Variants in P3H2 observed in about 807,000 individuals in gnomAD.
P3H2 encodes the protein leprecan-like 1.
In P3H2, 80 loss-of-function variants were observed where a neutral mutation model predicts 87.0. The observed-to-expected ratio is 0.92, with a 90% CI of 0.77 to 1.11. The LOEUF (loss-of-function observed/expected upper bound fraction) is 1.11. Ranked by LOEUF, P3H2 falls within the 50% of genes least tolerant of loss-of-function variation. P3H2 has a pLI of 0.00. For synonymous variants in P3H2, 367 were observed against 359.3 expected, an observed-to-expected ratio of 1.02 and a Z score of -0.24; for missense variants, 1,001 against 923.9, an observed-to-expected ratio of 1.08 and a Z score of -1.08.
chr3:190,007,431 C>A (rs1724422130), intron 1 of P3H2, among the ~76,000 whole-genome samples: 1 of 152,014 alleles, frequency 6.6e-6, no homozygotes, highest in Non-Finnish European at 1.5e-5. Flanking sequence ...TCACTTTGAG[C>A]TAGTTTGTGT....
chr3:190,120,770 A>G lies in P3H2; in HGVS notation c.-39T>C, dbSNP rs1302943115. ...GAGGCGCGGGACGGTTACGCTCGAGAGGGCTTCGGGGCACCTCGCGTCCGG... is the reference window on the plus strand; with the variant it reads ...GAGGCGCGGGACGGTTACGCTCGAGGGGGCTTCGGGGCACCTCGCGTCCGG... On this transcript the variant is annotated 5_prime_UTR_variant, in exon 1 of 15. Transcript: ENST00000319332. 8 of 1,511,550 alleles carry G rather than the reference A, an allele frequency of 5.3e-6. No individual in the cohort carries two copies. The South Asian group carries it at 9.8e-5, about 19-fold the overall frequency. The allele number at this position is 1,511,550 out of a possible 1,614,324, so 93.6% of individuals were successfully genotyped here.
chr3:190,120,970 C>G (rs1577335249), upstream of P3H2: 3 of 544,752 alleles, frequency 5.5e-6, no homozygotes, highest in Admixed American at 8.5e-5. Context: ...GCCTGAGACT[C>G]CGAGAGCCGC....
At chr3:190,037,487 C>T (rs1268220457) in intron 1 of P3H2, among the ~76,000 whole-genome samples, 6 of 152,046 alleles carry the variant, frequency 3.9e-5, no homozygotes, top group Non-Finnish European at 7.4e-5. Flanking sequence ...AAATAAGATA[C>T]CGTGGCTCAG....
chr3:190,119,852 A>AG (rs63249460), intron 1 of P3H2, among the ~76,000 whole-genome samples: 4 of 37,180 alleles, frequency 1.1e-4, no homozygotes, highest in African/African-American at 5.7e-4. Context: ...GAGAGGAGAC[A>AG]AAAGAAATGG....
intron 1 of P3H2, among the ~76,000 whole-genome samples, chr3:190,112,287 C>G (rs1342248265): frequency 6.6e-6 from 1 of 152,180 alleles, no homozygotes; most frequent in Non-Finnish European, 1.5e-5. Flanking sequence ...CCATAAAATG[C>G]AATGGTTGCA....
chr3:189,999,279 C>A (rs1342123688), intron 1 of P3H2, among the ~76,000 whole-genome samples: 5 of 152,108 alleles, frequency 3.3e-5, no homozygotes, highest in Non-Finnish European at 7.4e-5. Flanking sequence ...GAAGATACTA[C>A]AATCTATAAA....
chr3:190,034,988 A>G (rs191142027), intron 1 of P3H2, among the ~76,000 whole-genome samples: 1 of 151,384 alleles, frequency 6.6e-6, no homozygotes, highest in Admixed American at 6.6e-5. Flanking sequence ...CGCTGGGATT[A>G]CAGGCATGTA....
At chr3:189,963,884 AT>A in intron 14 of P3H2, 73 bp downstream of exon 14, 1 of 1,513,604 alleles carries the variant, frequency 6.6e-7, no homozygotes, top group Non-Finnish European at 9.2e-7. Context: ...AGACGAAGCA[AT>A]TTAAAGGACT....
At chr3:190,037,682 T>C (rs945475548) in intron 1 of P3H2, among the ~76,000 whole-genome samples, 2 of 152,244 alleles carry the variant, frequency 1.3e-5, no homozygotes, top group South Asian at 2.1e-4. Context: ...TGAATGTTAA[T>C]GATTATATGG....
At chr3:189,972,469 G>A (rs534271872) in intron 11 of P3H2, among the ~76,000 whole-genome samples, 9 of 152,188 alleles carry the variant, frequency 5.9e-5, no homozygotes, top group Non-Finnish European at 1.2e-4. Context: ...AGCAGGGACC[G>A]AGAAGGTCCC....
chr3:189,969,986 C>T (rs1408469358), intron 13 of P3H2: 1 of 603,670 alleles, frequency 1.7e-6, no homozygotes, highest in South Asian at 2.0e-5. Flanking sequence ...GGCTTGAAGA[C>T]CAAAGGATGC....
rs972018759 is a variant in P3H2 at position 189,994,125 on chromosome 3, C to T, written c.792G>A (p.Gly264=). Residue 264 remains glycine (G), a synonymous_variant, in exon 3 of 15, where the codon GGG becomes GGA. Transcript: ENST00000319332. ...TAGCTTCATACAGACCAGCCTTATACCCTAAATACTCATATTCTTCAAATC... is the reference window on the plus strand; with the variant it reads ...TAGCTTCATACAGACCAGCCTTATATCCTAAATACTCATATTCTTCAAATC... The part of the protein sequence containing the change: ...PQRFEEYEYL[G]YKAGLYEAIA... The T allele has an allele frequency of 1.9e-6, 3 of 1,613,290 alleles. No homozygotes were observed. Among genetic ancestry groups the T allele is most frequent in the Middle Eastern group, 1.6e-4 (1 of 6,076 alleles).
At chr3:189,959,463 T>A (rs1010635157) in intron 14 of P3H2, among the ~76,000 whole-genome samples, 5 of 137,728 alleles carry the variant, frequency 3.6e-5, no homozygotes, top group African/African-American at 1.1e-4. Context: ...TGTCCATGTG[T>A]TCTCATTGTT....
chr3:190,005,649 C>T (rs139856719), intron 1 of P3H2, among the ~76,000 whole-genome samples: 5 of 152,320 alleles, frequency 3.3e-5, no homozygotes, highest in East Asian at 1.9e-4. Flanking sequence ...AAATACGCCA[C>T]GTTCTTCTGT....
At chr3:190,045,816 C>T (rs1725780863) in intron 1 of P3H2, among the ~76,000 whole-genome samples, 1 of 151,924 alleles carries the variant, frequency 6.6e-6, no homozygotes, top group African/African-American at 2.4e-5. Flanking sequence ...GAAGCCTCAG[C>T]TCATGGTTAA....
intron 1 of P3H2, among the ~76,000 whole-genome samples, chr3:190,091,539 T>C (rs1727409246): frequency 6.6e-6 from 1 of 152,230 alleles, no homozygotes; most frequent in Non-Finnish European, 1.5e-5. Flanking sequence ...TGTCTGTAAA[T>C]GGCTATTTGC....
Position 190,110,103 on chromosome 3 carries a change from C to T in P3H2, c.480+10149G>A, listed in dbSNP as rs944230347. ...ACCTCAGGTGATCCACGCTCCTCAG[C>T]CTCCCAAAGTGCTGGGATTATAGAC... On this transcript the variant is annotated intron_variant, in intron 1 of 14. Coordinates refer to ENST00000319332, the MANE Select transcript of P3H2 (RefSeq NM_018192.4). Among the ~76,000 whole-genome samples, 4 of 152,102 alleles carry T rather than the reference C, an allele frequency of 2.6e-5. No individual in the cohort carries two copies. In the East Asian group the frequency reaches 7.7e-4, roughly 29 times the overall value.
chr3:189,979,195 G>A (rs1020853783), intron 8 of P3H2, among the ~76,000 whole-genome samples: 3 of 151,822 alleles, frequency 2.0e-5, no homozygotes, highest in Admixed American at 6.6e-5. Flanking sequence ...AGGCTGAGGC[G>A]AGCAGACTGC....
Position 189,994,194 on chromosome 3 carries a change from GA to G in P3H2, c.722del (p.Phe241SerfsTer23), listed in dbSNP as rs746258258. On this transcript the variant is annotated frameshift_variant, in exon 3 of 15. Transcript: ENST00000319332. LOFTEE classifies it high-confidence loss of function. ...RHFEQALREY[F>X]VEDTECRTLC... ...GGGTCCGGCATTCTGTATCTTCAAC[GA>G]AATATTCTCTTAAGGCTTGTTCGAA... The G allele has an allele frequency of 6.2e-7, 1 of 1,613,498 alleles. No homozygotes were observed. Among genetic ancestry groups the G allele is most frequent in the Non-Finnish European group, 8.5e-7 (1 of 1,179,724 alleles).
Sources: gnomAD v4.1 joint callset for allele counts (sites outside exome capture counted in the v4.1 genomes callset) on GRCh38, gnomAD v4.1.1 for gene constraint, MANE v1.5 for transcripts, NCBI Gene and HGNC (gene_info 2026-07-23, HGNC 2026-07-21) for gene names.